The following XIRP2 variants were observed in gnomAD, a reference collection of about 807,000 sequenced individuals.
XIRP2 encodes the protein xin actin binding repeat containing 2.
Under a neutral mutation model 277.0 loss-of-function variants are expected in XIRP2, and 236 were observed. The ratio of observed to expected loss-of-function variants is 0.85; its 90% CI spans 0.77 to 0.95. The LOEUF (loss-of-function observed/expected upper bound fraction) is 0.95, where lower values mean the gene tolerates loss of function less well. XIRP2 is among the 40% of genes least tolerant of loss of function. XIRP2 has a pLI of 0.00. For synonymous variants in XIRP2, 1,490 were observed against 1,416.5 expected (o/e 1.05, Z -1.17); for missense variants, 4,640 against 4,157.5 (o/e 1.12, Z -3.19).
chr2:166,927,832 A>G (rs1473000088), intron 2 of XIRP2, among the ~76,000 whole-genome samples: 1 of 152,136 alleles, frequency 6.6e-6, no homozygotes, highest in Non-Finnish European at 1.5e-5. Context: ...CTACCACAAT[A>G]ATGCAATAAA....
chr2:166,994,655 G>A (rs1188279759), intron 2 of XIRP2, among the ~76,000 whole-genome samples: 1 of 149,058 alleles, frequency 6.7e-6, no homozygotes, highest in African/African-American at 2.5e-5. Flanking sequence ...GCAGTGTAAT[G>A]TCAAAAATTA....
chr2:167,038,620 T>C (rs1182701399), intron 2 of XIRP2, among the ~76,000 whole-genome samples: 3 of 151,724 alleles, frequency 2.0e-5, no homozygotes, highest in Admixed American at 6.6e-5. Context: ...TCTTCTCTTA[T>C]ACAAATAGTA....
intron 2 of XIRP2, among the ~76,000 whole-genome samples, chr2:166,928,411 G>A (rs917742969): frequency 1.3e-5 from 2 of 152,108 alleles, no homozygotes; most frequent in African/African-American, 4.8e-5. Context: ...TTAACACTTA[G>A]TATAAAAGGC....
At chr2:166,961,013 A>G (rs1686283730) in intron 2 of XIRP2, among the ~76,000 whole-genome samples, 1 of 151,744 alleles carries the variant, frequency 6.6e-6, no homozygotes, top group Non-Finnish European at 1.5e-5. Flanking sequence ...TAATTAGCAT[A>G]ACATGAATAT....
intron 2 of XIRP2, among the ~76,000 whole-genome samples, chr2:166,999,786 T>C (rs371030382): frequency 6.6e-6 from 1 of 152,152 alleles, no homozygotes; most frequent in Non-Finnish European, 1.5e-5. Flanking sequence ...CTTCCTGACA[T>C]AGAGAACTAA....
chr2:167,159,634 T>C (rs1692305224), intron 3 of XIRP2, among the ~76,000 whole-genome samples: 1 of 152,130 alleles, frequency 6.6e-6, no homozygotes. Flanking sequence ...GCAAAATATG[T>C]TGGGAAAAAT....
At chr2:167,123,031 G>A (rs556036759) in intron 2 of XIRP2, among the ~76,000 whole-genome samples, 115 of 152,118 alleles carry the variant, frequency 7.6e-4, no homozygotes, top group Non-Finnish European at 1.5e-3. Context: ...CTGGAATGCA[G>A]GCAGAATTGT....
chr2:167,113,489 T>C (rs995321174), intron 2 of XIRP2, among the ~76,000 whole-genome samples: 1 of 152,314 alleles, frequency 6.6e-6, no homozygotes, highest in African/African-American at 2.4e-5. Flanking sequence ...GTTTTCCATT[T>C]GCTTGGTAGA....
intron 2 of XIRP2, among the ~76,000 whole-genome samples, chr2:166,913,636 A>T (rs1221405660): frequency 6.6e-6 from 1 of 152,210 alleles, no homozygotes; most frequent in East Asian, 1.9e-4. Flanking sequence ...CTATTGATCA[A>T]AGTGGCCACA....
chr2:166,916,631 T>G (rs1684888596), intron 2 of XIRP2, among the ~76,000 whole-genome samples: 1 of 152,188 alleles, frequency 6.6e-6, no homozygotes, highest in Non-Finnish European at 1.5e-5. Context: ...ATTTCTCCTT[T>G]GCCTGAAAAA....
At chr2:167,111,327 T>C (rs1690749049) in intron 2 of XIRP2, among the ~76,000 whole-genome samples, 1 of 152,146 alleles carries the variant, frequency 6.6e-6, no homozygotes, top group Non-Finnish European at 1.5e-5. Context: ...AGATGGCTCT[T>C]ATTATTTTGA....
At chr2:167,075,565 T>C (rs1345485246) in intron 2 of XIRP2, among the ~76,000 whole-genome samples, 1 of 152,234 alleles carries the variant, frequency 6.6e-6, no homozygotes, top group Non-Finnish European at 1.5e-5. Context: ...TTTTATTTCT[T>C]CTGTCCATTC....
chr2:166,895,029 G>C (rs1189315429), intron 1 of XIRP2, among the ~76,000 whole-genome samples: 1 of 152,080 alleles, frequency 6.6e-6, no homozygotes, highest in East Asian at 1.9e-4. Flanking sequence ...CAAAGGTCCT[G>C]TGGCAGGAGA....
intron 3 of XIRP2, among the ~76,000 whole-genome samples, chr2:167,155,192 T>C (rs2105335249): frequency 6.6e-6 from 1 of 150,736 alleles, no homozygotes; most frequent in Non-Finnish European, 1.5e-5. Context: ...TACCATTCCT[T>C]CTGAAACTAT....
intron 2 of XIRP2, among the ~76,000 whole-genome samples, chr2:166,988,376 G>C (rs1015309777): frequency 3.9e-5 from 6 of 152,166 alleles, no homozygotes; most frequent in African/African-American, 1.4e-4. Flanking sequence ...AGACACAGGA[G>C]GCATGACAGC....
chr2:167,059,422 T>A (rs189076555), intron 2 of XIRP2, among the ~76,000 whole-genome samples: 49 of 141,394 alleles, frequency 3.5e-4, no homozygotes, highest in African/African-American at 1.3e-3. Context: ...GGATTTAACT[T>A]TAAATAGGGT....
chr2:167,207,953 G>T lies in XIRP2; in HGVS notation c.563-2782G>T, dbSNP rs189125126. Among the ~76,000 whole-genome samples the T allele has an allele frequency of 1.6e-4, 24 of 152,180 alleles. No individual in the cohort carries two copies. The East Asian group carries it at 4.4e-3, about 28-fold the overall frequency. ...TGTGGGATGTATTTTATTACACAAA[G>T]AATGAATATTTTGAATAGATTATAA... is the stretch of plus-strand genomic sequence containing the variant. On this transcript the variant is annotated intron_variant, in intron 3 of 10. Transcript: ENST00000409195.
At chr2:167,129,926 T>C (rs1691326685) in intron 2 of XIRP2, among the ~76,000 whole-genome samples, 1 of 151,754 alleles carries the variant, frequency 6.6e-6, no homozygotes. Context: ...TTCAAGTTTG[T>C]TTCCCTTATT....
At chr2:166,985,204 T>C (rs748139106) in intron 2 of XIRP2, among the ~76,000 whole-genome samples, 2 of 152,170 alleles carry the variant, frequency 1.3e-5, no homozygotes, top group Non-Finnish European at 1.5e-5. Context: ...TCAATTAGAA[T>C]AGCAGTTAAA....
Sources: gnomAD v4.1 joint callset for allele counts (sites outside exome capture counted in the v4.1 genomes callset) on GRCh38, gnomAD v4.1.1 for gene constraint, MANE v1.5 for transcripts, NCBI Gene and HGNC (gene_info 2026-07-23, HGNC 2026-07-21) for gene names.